The following BMP7 variants were observed in gnomAD, a reference collection of about 807,000 sequenced individuals.
BMP7 encodes the protein osteogenic protein 1.
BMP7 carries 12 observed loss-of-function variants against 41.2 expected under a neutral mutation model. The observed-to-expected ratio is 0.29, with a 90% CI of 0.19 to 0.47. The LOEUF is 0.47. Ranked by LOEUF, BMP7 falls within the 20% of genes least tolerant of loss-of-function variation. The probability of loss-of-function intolerance (pLI) is 0.99; values close to 1 mark genes in which losing one functional copy is unlikely to be tolerated. For missense variants in BMP7, 467 were observed against 606.0 expected (o/e 0.77, Z 2.41); for synonymous variants, 248 against 250.0 (o/e 0.99, Z 0.07).
chr20:57,251,691 T>C (rs963315391), intron 1 of BMP7, among the ~76,000 whole-genome samples: 1 of 152,172 alleles, frequency 6.6e-6, no homozygotes, highest in Non-Finnish European at 1.5e-5. Flanking sequence ...CCCAGTACTT[T>C]GGGAGGCCGA....
In BMP7 at chr20:57,174,952, G is replaced by A. The variant is rs1466092326; in HGVS notation, c.1014C>T (p.Ser338=). 6.2e-7 allele frequency: 1 copy of A among 1,612,232 alleles called. No individual in the cohort carries two copies. The highest frequency in any genetic ancestry group is 1.1e-5 in the South Asian group (1 of 90,898). ...TTACCTGCCAGCCCAGGTCTCGGAA[G>A]CTGACATACAGCTCGTGCTTCTTAC... ...QACKKHELYV[S]FRDLGWQDWI... is the part of the protein sequence containing the mutation. The change falls in exon 5 of 7, where the codon AGC becomes AGT. Residue 338 remains serine, a synonymous_variant. Coordinates refer to ENST00000395863, the MANE Select transcript of BMP7 (RefSeq NM_001719.3). The surrounding 1 kb of genome is among the most constrained non-coding windows in gnomAD (Gnocchi z 4.3).
At chr20:57,225,818 T>G in intron 2 of BMP7, 1 of 467,640 alleles carries the variant, frequency 2.1e-6, no homozygotes, top group South Asian at 1.6e-5. Flanking sequence ...CCTCCACTGC[T>G]TCTCACCCTA....
chr20:57,227,501 A>C (rs1001843375), intron 2 of BMP7, among the ~76,000 whole-genome samples: 1 of 151,246 alleles, frequency 6.6e-6, no homozygotes, highest in Non-Finnish European at 1.5e-5. Flanking sequence ...CTAAGCCTGC[A>C]CATCACAAGG....
chr20:57,182,770 G>A lies in BMP7; in HGVS notation c.958+952C>T, dbSNP rs116916217. ...AGCTGTCTGCTTTAGAGGACCTGCA[G>A]AGCACGACCTCCTGGAAGTCTCCTT... On this transcript the variant is annotated intron_variant, in intron 4 of 6. Coordinates refer to ENST00000395863, the MANE Select transcript of BMP7 (RefSeq NM_001719.3). Among the ~76,000 whole-genome samples, 823 of 152,386 alleles carry A rather than the reference G, an allele frequency of 5.4e-3. 2 individuals are homozygous for A. Among genetic ancestry groups the A allele is most frequent in the Non-Finnish European group, 8.5e-3 (581 of 68,038 alleles).
At chr20:57,219,303 TAAG>T (rs1354594028) in intron 2 of BMP7, among the ~76,000 whole-genome samples, 8 of 151,400 alleles carry the variant, frequency 5.3e-5, no homozygotes, top group African/African-American at 1.7e-4. Flanking sequence ...GTGAGCAAGG[TAAG>T]TGGGAAGGTG....
At chr20:57,260,580 C>A (rs2066150082) in intron 1 of BMP7, among the ~76,000 whole-genome samples, 1 of 152,234 alleles carries the variant, frequency 6.6e-6, no homozygotes, top group East Asian at 1.9e-4. Context: ...GGCACCGGCG[C>A]ATTTGATTTA....
intron 2 of BMP7, among the ~76,000 whole-genome samples, chr20:57,212,981 C>G (rs1348763668): frequency 2.0e-5 from 3 of 152,354 alleles, no homozygotes; most frequent in East Asian, 1.9e-4. Context: ...CAGGGAGGTC[C>G]AAGGCTTTTT....
At chr20:57,232,406 G>T (rs901730063) in intron 1 of BMP7, among the ~76,000 whole-genome samples, 1 of 151,972 alleles carries the variant, frequency 6.6e-6, no homozygotes, top group East Asian at 1.9e-4. Flanking sequence ...GTGCACTTAT[G>T]ATTACATTTG....
chr20:57,266,086 T>C lies in BMP7; in HGVS notation c.37A>G (p.Ser13Gly). ...AGGGGTGCCCAGAGCGCCACGAAGC[T>C]GTGCGGCGCCGCAGCTCGCAGTGAG... ...VRSLRAAAPH[S>G]FVALWAPLFL... The change falls in exon 1 of 7, where the codon AGC (serine) becomes GGC (glycine). Residue 13 changes from serine to glycine, a missense_variant. Ser to Gly is a moderately conservative substitution (Grantham distance 56). Transcript: ENST00000395863. The C allele has an allele frequency of 6.5e-7, 1 of 1,537,492 alleles. No individual in the cohort carries two copies. Among genetic ancestry groups the C allele is most frequent in the Admixed American group, 2.0e-5 (1 of 50,964 alleles).
chr20:57,183,797 C>A lies in BMP7; in HGVS notation c.883G>T (p.Gly295Trp). The change falls in exon 4 of 7, where the codon GGG (glycine) becomes TGG (tryptophan). Residue 295 changes from glycine to tryptophan, a missense_variant. Around this residue, in one of 2 missense-constraint regions of BMP7, gnomAD observed 407 missense variants for 485.9 expected, o/e 0.84. Coordinates refer to ENST00000395863, the MANE Select transcript of BMP7 (RefSeq NM_001719.3). ...EVHFRSIRST[G>W]SKQRSQNRSK... Reference sequence around the variant, plus strand: ...CGGTTCTGGCTGCGCTGTTTGCTCCCCGTGGACCGGATGCTGCGGAAGTGG... The same window carrying A: ...CGGTTCTGGCTGCGCTGTTTGCTCCACGTGGACCGGATGCTGCGGAAGTGG... 2.5e-6 allele frequency: 4 copies of A among 1,614,190 alleles called. No individual in the cohort carries two copies. Among genetic ancestry groups the A allele is most frequent in the Non-Finnish European group, 2.5e-6 (3 of 1,180,044 alleles).
intron 1 of BMP7, among the ~76,000 whole-genome samples, chr20:57,242,917 C>A (rs1413750759): frequency 1.3e-5 from 2 of 152,158 alleles, no homozygotes; most frequent in African/African-American, 4.8e-5. Context: ...GCACAAGAAT[C>A]ACTTGAACCC....
At chr20:57,264,474 C>G (rs1568733982) in intron 1 of BMP7, among the ~76,000 whole-genome samples, 1 of 152,122 alleles carries the variant, frequency 6.6e-6, no homozygotes, top group African/African-American at 2.4e-5. Context: ...CTGGCGCTGC[C>G]GGGGGGTTAG....
chr20:57,199,273 A>G (rs1185033098), intron 3 of BMP7, among the ~76,000 whole-genome samples: 3 of 152,158 alleles, frequency 2.0e-5, no homozygotes, highest in Non-Finnish European at 4.4e-5. Flanking sequence ...GGTACCTGTC[A>G]GCCCAGGCAC....
intron 3 of BMP7, among the ~76,000 whole-genome samples, chr20:57,184,966 A>G (rs1421163855): frequency 3.3e-5 from 5 of 152,204 alleles, no homozygotes; most frequent in Non-Finnish European, 5.9e-5. Flanking sequence ...GGGACTTCGC[A>G]TCCAGGGCCC....
chr20:57,238,687 T>C (rs962919423), intron 1 of BMP7, among the ~76,000 whole-genome samples: 1 of 151,544 alleles, frequency 6.6e-6, no homozygotes, highest in Non-Finnish European at 1.5e-5. Context: ...GACAAAGACA[T>C]ACCCGAGACC....
chr20:57,252,560 G>A (rs995670117), intron 1 of BMP7, among the ~76,000 whole-genome samples: 2 of 152,218 alleles, frequency 1.3e-5, no homozygotes, highest in African/African-American at 2.4e-5. Context: ...TAGCATCATC[G>A]AGCAAAAGGT....
chr20:57,263,191 T>G (rs1012487333), intron 1 of BMP7, among the ~76,000 whole-genome samples: 1 of 152,156 alleles, frequency 6.6e-6, no homozygotes, highest in African/African-American at 2.4e-5. Flanking sequence ...CACTCTGCCA[T>G]CTAATTTGGA....
In BMP7 at chr20:57,237,954, G is replaced by A. The variant is rs116520655; in HGVS notation, c.419-9533C>T. 6.8e-3 allele frequency among the ~76,000 whole-genome samples: 1,041 copies of A among 152,268 alleles called. 16 individuals carry two copies. Among genetic ancestry groups the A allele is most frequent in the African/African-American group, 0.023 (946 of 41,538 alleles). On this transcript the variant is annotated intron_variant, in intron 1 of 6. Coordinates refer to ENST00000395863, the MANE Select transcript of BMP7 (RefSeq NM_001719.3). ...TTTAAAACTTTTATTTTTAATTGTG[G>A]TAAAATACACAGAATATACAATTTA... is the stretch of plus-strand genomic sequence containing the variant.
chr20:57,228,398 G>A lies in BMP7; in HGVS notation c.442C>T (p.His148Tyr), dbSNP rs552372771. ...NLVEHDKEFF[H>Y]PRYHHREFRF... ...AACTCTCGATGGTGGTAGCGTGGGTGGAAGAATTCCTTGTCATGTTCCACT... is the reference window on the plus strand; with the variant it reads ...AACTCTCGATGGTGGTAGCGTGGGTAGAAGAATTCCTTGTCATGTTCCACT... Residue 148 changes from histidine (H) to tyrosine (Y), a missense_variant, in exon 2 of 7, where the codon CAC becomes TAC. This residue lies in a region of BMP7 where 407 missense variants were observed against 485.9 expected (regional missense o/e 0.84). Transcript: ENST00000395863. This position sits in a 1 kb window ranked among gnomAD's most constrained non-coding sequence, Gnocchi z 4.5. 1 of 1,614,164 alleles carries A rather than the reference G, an allele frequency of 6.2e-7. No homozygotes were observed. The highest frequency in any genetic ancestry group is 1.3e-5 in the African/African-American group (1 of 75,042).
Sources: allele counts gnomAD v4.1 joint callset (sites outside exome capture counted in the v4.1 genomes callset), GRCh38; gene constraint gnomAD v4.1.1; regional missense constraint gnomAD v4.1.1; non-coding constraint Gnocchi (gnomAD v3.1); transcripts MANE v1.5; gene names NCBI Gene and HGNC (gene_info 2026-07-23, HGNC 2026-07-21).